The following CELSR1 variants were observed in gnomAD, a reference collection of about 807,000 sequenced individuals.
The protein encoded by CELSR1 is cadherin EGF LAG seven-pass G-type receptor 1.
In CELSR1, 110 loss-of-function variants were observed where a neutral mutation model predicts 249.1. That is an observed-to-expected ratio of 0.44 (90% CI 0.38 to 0.52). The LOEUF is 0.52. Ranked by LOEUF, CELSR1 falls within the 20% of genes least tolerant of loss-of-function variation. CELSR1 has a pLI of 0.00. For synonymous variants in CELSR1, 2,113 were observed against 1,900.0 expected (o/e 1.11, Z -2.92); for missense variants, 4,109 against 4,296.4 (o/e 0.96, Z 1.22).
chr22:46,398,441 A>C lies in CELSR1; in HGVS notation c.5526+83T>G, dbSNP rs75741109. 7,028 of 931,372 alleles carry C rather than the reference A, an allele frequency of 7.5e-3. 340 individuals are homozygous for C. In the African/African-American group the frequency reaches 0.11, roughly 14 times the overall value. 57.7% of individuals were successfully genotyped at this position (931,372 alleles called of 1,614,324 possible). A position where few individuals can be genotyped will look rare whatever the true frequency, so the allele number is the denominator to read the frequency against. On this transcript the variant is annotated intron_variant, in intron 11 of 34. Coordinates refer to ENST00000674500, the MANE Select transcript of CELSR1 (RefSeq NM_001378328.1). The surrounding 1 kb of genome is among the most constrained non-coding windows in gnomAD (Gnocchi z 7.2). ...CTCGTTGAAAGCTAACAGGTTGACC[A>C]ACGGAACCACCTATGGTGCTGCCAG... is the stretch of plus-strand genomic sequence containing the variant.
In CELSR1 at chr22:46,410,812, C is replaced by A. The variant is rs570329893; in HGVS notation, c.4770-251G>T. On this transcript the variant is annotated intron_variant, in intron 6 of 34. Coordinates refer to ENST00000674500, the MANE Select transcript of CELSR1 (RefSeq NM_001378328.1). This position sits in a 1 kb window ranked among gnomAD's most constrained non-coding sequence, Gnocchi z 6.8. ...GCTCACCAGTGACCACCAAGCCCCGCCCACCCAGGCTGGTCCACACCGAGA... is the reference window on the plus strand; with the variant it reads ...GCTCACCAGTGACCACCAAGCCCCGACCACCCAGGCTGGTCCACACCGAGA... 6.6e-6 allele frequency among the ~76,000 whole-genome samples: 1 copy of A among 152,112 alleles called. No homozygotes were observed. Among genetic ancestry groups the A allele is most frequent in the East Asian group, 1.9e-4 (1 of 5,160 alleles).
rs1003898310 is a variant in CELSR1 at position 46,362,065 on chromosome 22, C to T, written c.*1158G>A. ...GGGGAGAACCCTGCCTGGAGATCCTCGCAGTCTCAGAGAGTTAGAGAATTG... is the reference window on the plus strand; with the variant it reads ...GGGGAGAACCCTGCCTGGAGATCCTTGCAGTCTCAGAGAGTTAGAGAATTG... On this transcript the variant is annotated 3_prime_UTR_variant, in exon 35 of 35. Coordinates refer to ENST00000674500, the MANE Select transcript of CELSR1 (RefSeq NM_001378328.1). The T allele has an allele frequency of 7.9e-5, 12 of 152,268 alleles. No homozygotes were observed. The highest frequency in any genetic ancestry group is 3.8e-4 in the East Asian group (2 of 5,196). The allele number at this position is 152,268 out of a possible 1,614,324, so 9.4% of individuals were successfully genotyped here. A position where few individuals can be genotyped will look rare whatever the true frequency, so the allele number is the denominator to read the frequency against.
rs1258586433 is a variant in CELSR1, at chr22:46,380,211, G to C, written c.7256+577C>G. Reference sequence around the variant, plus strand: ...TCGCTTGCATGGATGCTAGAACACAGATTCTCGCGCACAGATTCTCCTGCG... The same window carrying C: ...TCGCTTGCATGGATGCTAGAACACACATTCTCGCGCACAGATTCTCCTGCG... On this transcript the variant is annotated intron_variant, in intron 22 of 34. Transcript: ENST00000674500. This position sits in a 1 kb window ranked among gnomAD's most constrained non-coding sequence, Gnocchi z 5.1. Among the ~76,000 whole-genome samples, 2 of 152,216 alleles carry C rather than the reference G, an allele frequency of 1.3e-5. No homozygotes were observed. The highest frequency in any genetic ancestry group is 4.8e-5 in the African/African-American group (2 of 41,458).
rs142373429 is a variant in CELSR1, at chr22:46,367,006, G to A, written c.8192C>T (p.Ala2731Val). ...LHLEDSATTRATLLTRSLNCN... is the reference protein window; with the variant it reads ...LHLEDSATTRVTLLTRSLNCN... The stretch of plus-strand genomic sequence containing the variant: ...GGCGCCTCCTACCGTCAGCAGGGTG[G>A]CCCTGGTGGTGGCGGAGTCCTCCAG... Residue 2731 changes from alanine to valine, a missense_variant, in exon 29 of 35, where the codon GCC (alanine) becomes GTC (valine). By Grantham distance (64) the Ala-to-Val change is moderately conservative (BLOSUM62 0). This residue lies in a region of CELSR1 where 1,805 missense variants were observed against 1,831.6 expected (regional missense o/e 0.99). Transcript: ENST00000674500. 3.6e-5 allele frequency: 58 copies of A among 1,609,846 alleles called. 1 individual carries two copies. The highest frequency in any genetic ancestry group is 2.1e-4 in the Middle Eastern group (1 of 4,762).
At chr22:46,496,964 T>C (rs1370838917) in intron 1 of CELSR1, among the ~76,000 whole-genome samples, 6 of 152,194 alleles carry the variant, frequency 3.9e-5, no homozygotes. Flanking sequence ...TTTATTATAA[T>C]GATCAAGTGT....
intron 1 of CELSR1, among the ~76,000 whole-genome samples, chr22:46,494,308 C>CA (rs558439511): frequency 1.7e-3 from 266 of 152,310 alleles, no homozygotes; most frequent in African/African-American, 6.0e-3. Context: ...TGGCTATTCT[C>CA]AGCCAATTTT....
chr22:46,386,028 G>A (rs1602057823), intron 19 of CELSR1, among the ~76,000 whole-genome samples: 1 of 150,106 alleles, frequency 6.7e-6, no homozygotes. Context: ...GGAGTGCAAT[G>A]GCGCAATCTC....
chr22:46,477,727 C>T (rs906481358), intron 1 of CELSR1, among the ~76,000 whole-genome samples: 8 of 151,968 alleles, frequency 5.3e-5, no homozygotes, highest in Non-Finnish European at 1.2e-4. Context: ...AGGATGGTCT[C>T]GATCTCCTGA....
chr22:46,510,595 C>T lies in CELSR1; in HGVS notation c.3544+23032G>A, dbSNP rs546700833. On this transcript the variant is annotated intron_variant, in intron 1 of 34. Transcript: ENST00000674500. ...CGAGAGCCGCCTTCATCTCGGCTCA[C>T]ACGCAGCCCCAGAAAAGTCAGAGCG... 1.6e-4 allele frequency among the ~76,000 whole-genome samples: 24 copies of T among 152,292 alleles called. No homozygotes were observed. The South Asian group carries it at 4.8e-3, about 30-fold the overall frequency.
At chr22:46,498,650 T>C (rs1602214361) in intron 1 of CELSR1, among the ~76,000 whole-genome samples, 1 of 148,150 alleles carries the variant, frequency 6.7e-6, no homozygotes, top group Admixed American at 6.7e-5. Flanking sequence ...AACACTCCGG[T>C]GGTATGGGAT....
At chr22:46,486,876 G>T (rs2080318208) in intron 1 of CELSR1, among the ~76,000 whole-genome samples, 1 of 152,044 alleles carries the variant, frequency 6.6e-6, no homozygotes, top group Non-Finnish European at 1.5e-5. Context: ...TCATGCATCA[G>T]GACACGTCCA....
Position 46,536,089 on chromosome 22 carries a change from C to T in CELSR1, c.1082G>A (p.Arg361His), listed in dbSNP as rs374712656. 7 of 1,611,962 alleles carry T rather than the reference C, an allele frequency of 4.3e-6. No individual in the cohort carries two copies. The highest frequency in any genetic ancestry group is 1.3e-5 in the African/African-American group (1 of 75,072). Residue 361 changes from arginine to histidine, a missense_variant, in exon 1 of 35, where the codon CGC (arginine) becomes CAC (histidine). Around this residue, in one of 7 missense-constraint regions of CELSR1, gnomAD observed 673 missense variants for 636.8 expected, o/e 1.06. Coordinates refer to ENST00000674500, the MANE Select transcript of CELSR1 (RefSeq NM_001378328.1). ...GCCCACCTCCAGGTTCTCCCGCACG[C>T]GCTCGCGGTACTCCGACTGCTCGAA... ...PVFEQSEYRE[R>H]VRENLEVGYE...
In CELSR1 at chr22:46,398,684, C is replaced by T. The variant is rs757948555; in HGVS notation, c.5413-47G>A. On this transcript the variant is annotated intron_variant, in intron 10 of 34. Transcript: ENST00000674500. The surrounding 1 kb of genome is among the most constrained non-coding windows in gnomAD (Gnocchi z 7.2). ...GGATCTGGGGGCTGCATCCACCATC[C>T]TAGAAACGTCTCTCAGATGGGAAGG... is the stretch of plus-strand genomic sequence containing the variant. The T allele has an allele frequency of 9.8e-6, 14 of 1,434,502 alleles. No individual in the cohort carries two copies. The highest frequency in any genetic ancestry group is 1.3e-5 in the Non-Finnish European group (14 of 1,037,588). The allele number at this position is 1,434,502 out of a possible 1,614,324, so 88.9% of individuals were successfully genotyped here. A position where few individuals can be genotyped will look rare whatever the true frequency, so the allele number is the denominator to read the frequency against.
chr22:46,376,946 A>C, intron 24 of CELSR1, 115 bp downstream of exon 24: 1 of 1,010,706 alleles, frequency 9.9e-7, no homozygotes, highest in East Asian at 2.6e-5. Context: ...TGTGAAGCAG[A>C]GGTGGGGGTG....
rs1847946523 is a variant in CELSR1, at chr22:46,409,515, G to A, written c.5059+240C>T. ...GGGGTGCTGGGGCTGGGCTCTGCCG[G>A]CCCAGCCTACCTGTCCCACCCCACA... is the stretch of plus-strand genomic sequence containing the variant. On this transcript the variant is annotated intron_variant, in intron 8 of 34. Coordinates refer to ENST00000674500, the MANE Select transcript of CELSR1 (RefSeq NM_001378328.1). The surrounding 1 kb of genome is among the most constrained non-coding windows in gnomAD (Gnocchi z 9.8). 1.3e-5 allele frequency among the ~76,000 whole-genome samples: 2 copies of A among 152,116 alleles called. No individual in the cohort carries two copies. Among genetic ancestry groups the A allele is most frequent in the African/African-American group, 4.8e-5 (2 of 41,408 alleles).
At chr22:46,418,400 G>A (rs555575065) in intron 5 of CELSR1, among the ~76,000 whole-genome samples, 42 of 152,292 alleles carry the variant, frequency 2.8e-4, no homozygotes, top group South Asian at 8.3e-4. Flanking sequence ...GTGGAAAATC[G>A]CTTGAACCCG....
Position 46,366,367 on chromosome 22 carries a change from C to A in CELSR1, c.8300+19G>T. 6.5e-7 allele frequency: 1 copy of A among 1,526,986 alleles called. No homozygotes were observed. The highest frequency in any genetic ancestry group is 2.0e-5 in the Admixed American group (1 of 49,068). The allele number at this position is 1,526,986 out of a possible 1,614,324, so 94.6% of individuals were successfully genotyped here. A position where few individuals can be genotyped will look rare whatever the true frequency, so the allele number is the denominator to read the frequency against. On this transcript the variant is annotated intron_variant, in intron 30 of 34. Transcript: ENST00000674500. ...GGAGTTCGAGAGCCACCTCCCCGAA[C>A]CCGGAGCTGCGGCCTGACCTGACGA...
In CELSR1 at chr22:46,437,434, T is replaced by C. The variant is rs1190500533; in HGVS notation, c.4407-1145A>G. Among the ~76,000 whole-genome samples the C allele has an allele frequency of 2.0e-5, 3 of 152,188 alleles. No homozygotes were observed. The highest frequency in any genetic ancestry group is 7.2e-5 in the African/African-American group (3 of 41,448). On this transcript the variant is annotated intron_variant, in intron 3 of 34. Transcript: ENST00000674500. The surrounding 1 kb of genome is among the most constrained non-coding windows in gnomAD (Gnocchi z 4.9). ...AGTCGGCCCGAGCCAGCCTCGAGCA[T>C]CTGACCTCAGCCTTTTCTCTGGAGT...
chr22:46,515,181 G>A (rs57947484), intron 1 of CELSR1, among the ~76,000 whole-genome samples: 4,669 of 152,184 alleles, frequency 0.031, 258 homozygotes, highest in African/African-American at 0.1. Context: ...CATTCCACCC[G>A]TGCATCAGCC....
Sources: allele counts gnomAD v4.1 joint callset (sites outside exome capture counted in the v4.1 genomes callset), GRCh38; gene constraint gnomAD v4.1.1; regional missense constraint gnomAD v4.1.1; non-coding constraint Gnocchi (gnomAD v3.1); transcripts MANE v1.5; gene names NCBI Gene and HGNC (gene_info 2026-07-23, HGNC 2026-07-21).